The following CNKSR2 variants were observed in gnomAD, a reference collection of about 807,000 sequenced individuals.
The protein encoded by CNKSR2 is connector enhancer of kinase suppressor of Ras 2.
In CNKSR2, 14 loss-of-function variants were observed where a neutral mutation model predicts 84.4. The ratio of observed to expected loss-of-function variants is 0.17; its 90% confidence interval spans 0.11 to 0.26. The LOEUF (loss-of-function observed/expected upper bound fraction) is 0.26. Ranked by LOEUF, CNKSR2 falls within the 10% of genes least tolerant of loss-of-function variation. The probability of loss-of-function intolerance (pLI) is 1.00; values close to 1 mark genes in which losing one functional copy is unlikely to be tolerated. For missense variants in CNKSR2, 485 were observed against 771.2 expected (o/e 0.63, Z 4.40); for synonymous variants, 275 against 277.9 (o/e 0.99, Z 0.10).
chrX:21,374,971 G>A lies in CNKSR2; in HGVS notation c.64+10G>A. On this transcript the variant is annotated intron_variant, in intron 1 of 21. Transcript: ENST00000379510. ...GTGGACTGGATGAAAGGTAATGCCCGCTGCGGGGAGGGTGAGGCGGCACTG... is the reference window on the plus strand; with the variant it reads ...GTGGACTGGATGAAAGGTAATGCCCACTGCGGGGAGGGTGAGGCGGCACTG... The A allele has an allele frequency of 2.7e-5, 32 of 1,194,595 alleles. 1 individual carries two copies. Among genetic ancestry groups the A allele is most frequent in the Non-Finnish European group, 3.6e-5 (32 of 879,521 alleles).
chrX:21,384,387 T>C lies in CNKSR2; in HGVS notation c.64+9426T>C, dbSNP rs1300752435. 1.8e-5 allele frequency among the ~76,000 whole-genome samples: 2 copies of C among 112,273 alleles called. 1 individual carries two copies. Among genetic ancestry groups the C allele is most frequent in the Admixed American group, 1.9e-4 (2 of 10,573 alleles). The stretch of plus-strand genomic sequence containing the variant: ...GAAGCCTGCTCTGTTGCCTTCTAGC[T>C]GTCAGACCAGAGACTTTCAGTTTGA... On this transcript the variant is annotated intron_variant, in intron 1 of 21. Transcript: ENST00000379510.
At chrX:21,539,361 A>G (rs985154813) in intron 11 of CNKSR2, among the ~76,000 whole-genome samples, 3 of 111,258 alleles carry the variant, frequency 2.7e-5, no homozygotes, top group Non-Finnish European at 5.7e-5. Flanking sequence ...TGGTTCTTTT[A>G]TATGATATCT....
intron 5 of CNKSR2, among the ~76,000 whole-genome samples, chrX:21,473,021 T>C (rs1306196800): frequency 1.8e-5 from 2 of 111,803 alleles, no homozygotes; most frequent in South Asian, 7.3e-4. Flanking sequence ...GTTTCTTAAA[T>C]AAATTCCTAA....
At chrX:21,425,538 T>G in intron 1 of CNKSR2, 1 of 111,657 alleles carries the variant, frequency 9.0e-6, no homozygotes, top group African/African-American at 3.3e-5. Context: ...TCATCTCTGT[T>G]TTTTCTATTC....
At chrX:21,389,073 G>C (rs972667546) in intron 1 of CNKSR2, among the ~76,000 whole-genome samples, 1 of 107,432 alleles carries the variant, frequency 9.3e-6, no homozygotes, top group Non-Finnish European at 1.9e-5. Context: ...CTAACCATGA[G>C]AAAAACGTAA....
chrX:21,389,368 T>G (rs2146962081), intron 1 of CNKSR2, among the ~76,000 whole-genome samples: 1 of 110,045 alleles, frequency 9.1e-6, no homozygotes, highest in East Asian at 2.8e-4. Flanking sequence ...TGTGAGATAT[T>G]AATAATAGGA....
chrX:21,540,242 G>A (rs1430754470), intron 11 of CNKSR2, among the ~76,000 whole-genome samples: 1 of 111,514 alleles, frequency 9.0e-6, no homozygotes, highest in African/African-American at 3.3e-5. Context: ...GGTTTTAAAT[G>A]ATGAATAGCG....
Position 21,381,133 on chromosome X carries a change from G to A in CNKSR2, c.64+6172G>A, listed in dbSNP as rs192617820. Among the ~76,000 whole-genome samples, 4 of 111,959 alleles carry A rather than the reference G, an allele frequency of 3.6e-5. No homozygotes were observed. The East Asian group carries it at 1.1e-3, about 31-fold the overall frequency. ...CCAAATGATCAAAAGAAGCCAAAGA[G>A]TTGTGTTTTTTTTGTTTTTTGCTAA... On this transcript the variant is annotated intron_variant, in intron 1 of 21. Transcript: ENST00000379510.
intron 1 of CNKSR2, among the ~76,000 whole-genome samples, chrX:21,389,052 A>C (rs1487199963): frequency 1.9e-5 from 2 of 108,016 alleles, no homozygotes; most frequent in Admixed American, 2.0e-4. Flanking sequence ...CCACAAACCC[A>C]TAACCCCATT....
chrX:21,528,773 C>T (rs2091858807), intron 10 of CNKSR2, among the ~76,000 whole-genome samples: 1 of 111,147 alleles, frequency 9.0e-6, no homozygotes, highest in Non-Finnish European at 1.9e-5. Flanking sequence ...TATAATTTAA[C>T]AGAATATTCT....
chrX:21,531,781 A>G, intron 10 of CNKSR2, 75 bp from the exon 11 acceptor site: 6 of 615,927 alleles, frequency 9.7e-6, no homozygotes, highest in East Asian at 3.4e-5. Context: ...GTAAATTATT[A>G]GTATTTTAGA....
chrX:21,487,812 T>A (rs1286519349), intron 5 of CNKSR2, among the ~76,000 whole-genome samples: 1 of 112,427 alleles, frequency 8.9e-6, no homozygotes, highest in African/African-American at 3.2e-5. Context: ...TTTTTAAAAA[T>A]ACAGAGAATG....
intron 1 of CNKSR2, among the ~76,000 whole-genome samples, chrX:21,406,404 G>A (rs1482696226): frequency 9.0e-6 from 1 of 111,387 alleles, no homozygotes; most frequent in Admixed American, 9.6e-5. Context: ...AGTTTACCAA[G>A]TAACTTGCTT....
intron 6 of CNKSR2, among the ~76,000 whole-genome samples, chrX:21,496,888 G>A (rs1308869655): frequency 9.0e-6 from 1 of 110,778 alleles, no homozygotes. Flanking sequence ...GTTTTTCCCC[G>A]AAAATAAATT....
intron 4 of CNKSR2, among the ~76,000 whole-genome samples, chrX:21,451,003 C>G (rs2090920632): frequency 8.9e-6 from 1 of 112,093 alleles, no homozygotes; most frequent in African/African-American, 3.2e-5. Context: ...TGTGAAGAAA[C>G]TAAGTGTACT....
At chrX:21,409,662 T>C (rs1017674886) in intron 1 of CNKSR2, among the ~76,000 whole-genome samples, 7 of 111,013 alleles carry the variant, frequency 6.3e-5, no homozygotes, top group Non-Finnish European at 9.5e-5. Context: ...GTGGTTTCTT[T>C]TTTGATAGAG....
At chrX:21,496,098 C>G (rs1040179826) in intron 6 of CNKSR2, among the ~76,000 whole-genome samples, 1 of 110,781 alleles carries the variant, frequency 9.0e-6, no homozygotes, top group Non-Finnish European at 1.9e-5. Flanking sequence ...CTAAACATAT[C>G]TAAACATGGA....
chrX:21,489,158 C>G (rs1000430030), intron 5 of CNKSR2, among the ~76,000 whole-genome samples: 10 of 111,597 alleles, frequency 9.0e-5, no homozygotes, highest in Non-Finnish European at 1.9e-4. Flanking sequence ...GTACATCTTA[C>G]ACATATTGAT....
intron 1 of CNKSR2, among the ~76,000 whole-genome samples, chrX:21,422,468 T>G (rs780717801): frequency 8.9e-6 from 1 of 112,321 alleles, no homozygotes; most frequent in Non-Finnish European, 1.9e-5. Context: ...ACTTATGTAC[T>G]TATTTTCTCC....
Sources: allele counts gnomAD v4.1 joint callset (sites outside exome capture counted in the v4.1 genomes callset), GRCh38; gene constraint gnomAD v4.1.1; transcripts MANE v1.5; gene names NCBI Gene and HGNC (gene_info 2026-07-23, HGNC 2026-07-21).